PLAA: variants seen among roughly 807,000 people sequenced by gnomAD.
PLAA encodes the protein phospholipase A-2-activating protein.
In PLAA, 48 loss-of-function variants were observed where a neutral mutation model predicts 84.1. The ratio of observed to expected loss-of-function variants is 0.57; its 90% CI spans 0.45 to 0.73. The LOEUF (loss-of-function observed/expected upper bound fraction) is 0.73. PLAA is among the 30% of genes least tolerant of loss of function. PLAA has a pLI of 0.00. For synonymous variants in PLAA, 392 were observed against 336.6 expected, an observed-to-expected ratio of 1.16 and a Z score of -1.80; for missense variants, 903 against 954.7, an observed-to-expected ratio of 0.95 and a Z score of 0.71.
chr9:26,941,805 A>AT (rs1825554334), intron 1 of PLAA, among the ~76,000 whole-genome samples: 1 of 152,142 alleles, frequency 6.6e-6, no homozygotes, highest in South Asian at 2.1e-4. Flanking sequence ...CAATATCTGA[A>AT]TAAAAACAGT....
At chr9:26,937,959 G>T (rs1453679899) in intron 1 of PLAA, among the ~76,000 whole-genome samples, 1 of 152,016 alleles carries the variant, frequency 6.6e-6, no homozygotes, top group Non-Finnish European at 1.5e-5. Context: ...TAGAGAGAGG[G>T]GAAAGGGAGC....
At chr9:26,918,877 CAATT>C (rs1284630296) in intron 9 of PLAA, among the ~76,000 whole-genome samples, 3 of 152,094 alleles carry the variant, frequency 2.0e-5, no homozygotes, top group South Asian at 2.1e-4. Flanking sequence ...ATGTTACAAA[CAATT>C]AACTTAAAAT....
At chr9:26,914,275 A>G (rs181728586) in intron 10 of PLAA, among the ~76,000 whole-genome samples, 1 of 152,356 alleles carries the variant, frequency 6.6e-6, no homozygotes, top group African/African-American at 2.4e-5. Context: ...GGTGGGACTA[A>G]CTAGCACATA....
chr9:26,919,935 T>C (rs1824702583), intron 8 of PLAA, among the ~76,000 whole-genome samples: 1 of 152,158 alleles, frequency 6.6e-6, no homozygotes, highest in Non-Finnish European at 1.5e-5. Context: ...ATGAGGCATT[T>C]GATGAAAGGT....
intron 11 of PLAA, among the ~76,000 whole-genome samples, chr9:26,913,352 A>G (rs1824453029): frequency 6.6e-6 from 1 of 151,706 alleles, no homozygotes; most frequent in Admixed American, 6.6e-5. Flanking sequence ...ACTAAGGATT[A>G]AAAAAAAATT....
At chr9:26,929,716 C>T (rs2131400526) in intron 2 of PLAA, among the ~76,000 whole-genome samples, 1 of 152,256 alleles carries the variant, frequency 6.6e-6, no homozygotes, top group South Asian at 2.1e-4. Flanking sequence ...TGAGTGTTTG[C>T]TCTGATTATC....
chr9:26,929,942 T>C (rs908855907), intron 2 of PLAA, among the ~76,000 whole-genome samples: 1 of 152,154 alleles, frequency 6.6e-6, no homozygotes, highest in Admixed American at 6.5e-5. Flanking sequence ...AAGTTAGGCA[T>C]AGCCATGATA....
In PLAA at chr9:26,934,428, TGAA is replaced by T. The variant is rs1825288962; in HGVS notation, c.343+582_343+584del. Among the ~76,000 whole-genome samples the T allele has an allele frequency of 2.6e-5, 4 of 151,838 alleles. No homozygotes were observed. In the South Asian group the frequency reaches 8.3e-4, roughly 31 times the overall value. ...ATGAAATAGTTAAAAACCAGACTCA[TGAA>T]GTATATTCAAATTATATAGCCTCTT... is the stretch of plus-strand genomic sequence containing the variant. On this transcript the variant is annotated intron_variant, in intron 2 of 13. Transcript: ENST00000397292.
Position 26,905,207 on chromosome 9 carries a change from C to CA in PLAA, c.*303dup, listed in dbSNP as rs1824191001. On this transcript the variant is annotated 3_prime_UTR_variant, in exon 14 of 14. Transcript: ENST00000397292. ...TAATAAAAGCAAGTTATATGAGTAACAGCCCTTGTCTTCTTAGTGGCTAAG... is the reference window on the plus strand; with the variant it reads ...TAATAAAAGCAAGTTATATGAGTAACAAGCCCTTGTCTTCTTAGTGGCTAAG... The CA allele has an allele frequency of 3.3e-6, 1 of 300,420 alleles. No homozygotes were observed. The highest frequency in any genetic ancestry group is 6.2e-6 in the Non-Finnish European group (1 of 161,388). The allele number at this position is 300,420 out of a possible 1,614,324, so 18.6% of individuals were successfully genotyped here.
chr9:26,904,791 A>G lies in PLAA; in HGVS notation c.*720T>C, dbSNP rs1250198613. 1 of 152,460 alleles carries G rather than the reference A, an allele frequency of 6.6e-6. No individual in the cohort carries two copies. Among genetic ancestry groups the G allele is most frequent in the Non-Finnish European group, 1.5e-5 (1 of 68,006 alleles). 9.4% of individuals were successfully genotyped at this position (152,460 alleles called of 1,614,324 possible). Reference sequence around the variant, plus strand: ...GAAAATGACAAAAATAAACAGCCAAATATCAAAACTAGAATGAAAAATGAA... The same window carrying G: ...GAAAATGACAAAAATAAACAGCCAAGTATCAAAACTAGAATGAAAAATGAA... On this transcript the variant is annotated 3_prime_UTR_variant, in exon 14 of 14. Coordinates refer to ENST00000397292, the MANE Select transcript of PLAA (RefSeq NM_001031689.3).
At chr9:26,920,940 TC>T (rs1824739332) in intron 7 of PLAA, among the ~76,000 whole-genome samples, 2 of 152,104 alleles carry the variant, frequency 1.3e-5, no homozygotes, top group South Asian at 4.1e-4. Context: ...CAGTGTATAT[TC>T]CACCCAGCAA....
At chr9:26,943,437 G>A (rs982156261) in intron 1 of PLAA, among the ~76,000 whole-genome samples, 4 of 152,078 alleles carry the variant, frequency 2.6e-5, no homozygotes, top group African/African-American at 9.7e-5. Context: ...AACATACATG[G>A]AAAGCAGTGG....
chr9:26,922,126 A>C (rs1056442989), intron 7 of PLAA, among the ~76,000 whole-genome samples: 1 of 152,178 alleles, frequency 6.6e-6, no homozygotes, highest in African/African-American at 2.4e-5. Flanking sequence ...CTTTTCTTTG[A>C]GACACCACAG....
At chr9:26,941,181 C>G (rs7048060) in intron 1 of PLAA, among the ~76,000 whole-genome samples, 21 of 125,194 alleles carry the variant, frequency 1.7e-4, no homozygotes, top group Admixed American at 2.5e-4. Context: ...AAACAAAACA[C>G]GGGGGGTGGG....
chr9:26,906,605 G>A (rs1824245100), intron 13 of PLAA, among the ~76,000 whole-genome samples: 1 of 151,674 alleles, frequency 6.6e-6, no homozygotes. Flanking sequence ...TTTTTGTATT[G>A]TTAGTAGAGA....
intron 10 of PLAA, among the ~76,000 whole-genome samples, chr9:26,914,268 G>A (rs932426222): frequency 6.6e-6 from 1 of 152,140 alleles, no homozygotes; most frequent in African/African-American, 2.4e-5. Flanking sequence ...GTAAAGGGGT[G>A]GGACTAACTA....
intron 4 of PLAA, among the ~76,000 whole-genome samples, chr9:26,926,858 T>C (rs1824984108): frequency 6.6e-6 from 1 of 151,866 alleles, no homozygotes. Flanking sequence ...ATTTTTAATT[T>C]TTCTTCCCCA....
chr9:26,940,673 A>C (rs1317027083), intron 1 of PLAA, among the ~76,000 whole-genome samples: 2 of 152,224 alleles, frequency 1.3e-5, no homozygotes, highest in Non-Finnish European at 2.9e-5. Flanking sequence ...TATCACAATA[A>C]AAAAACTGGA....
chr9:26,912,918 A>C (rs1480751414), intron 11 of PLAA, among the ~76,000 whole-genome samples: 1 of 152,180 alleles, frequency 6.6e-6, no homozygotes, highest in Non-Finnish European at 1.5e-5. Context: ...ATTAAAAAAT[A>C]GCTTACAAAA....
Sources: allele counts gnomAD v4.1 joint callset (sites outside exome capture counted in the v4.1 genomes callset), GRCh38; gene constraint gnomAD v4.1.1; transcripts MANE v1.5; gene names NCBI Gene and HGNC (gene_info 2026-07-23, HGNC 2026-07-21).